The following RBFOX3 variants were observed in gnomAD, a reference collection of about 807,000 sequenced individuals.
RBFOX3 encodes the protein RNA binding protein fox-1 homolog 3.
In RBFOX3, 17 loss-of-function variants were observed where a neutral mutation model predicts 48.7. The observed-to-expected ratio is 0.35, with a 90% confidence interval of 0.24 to 0.52. RBFOX3 has a LOEUF of 0.52. Ranked by LOEUF, RBFOX3 falls within the 20% of genes least tolerant of loss-of-function variation. The probability of loss-of-function intolerance (pLI) is 0.94; values close to 1 mark genes in which losing one functional copy is unlikely to be tolerated. For synonymous variants in RBFOX3, 212 were observed against 209.5 expected (o/e 1.01, Z -0.10); for missense variants, 382 against 497.5 (o/e 0.77, Z 2.21).
chr17:79,605,412 G>A (rs896430941), intron 1 of RBFOX3, among the ~76,000 whole-genome samples: 58 of 152,186 alleles, frequency 3.8e-4, no homozygotes, highest in African/African-American at 1.3e-3. Context: ...AGACATACCC[G>A]GCCACCTTCC....
intron 4 of RBFOX3, among the ~76,000 whole-genome samples, chr17:79,173,386 T>C (rs1235477821): frequency 6.6e-6 from 1 of 152,210 alleles, no homozygotes; most frequent in African/African-American, 2.4e-5. Flanking sequence ...AGACAGCTCA[T>C]GCTAAAGGCA....
the RBFOX3 span, among the ~76,000 whole-genome samples, chr17:79,623,838 A>G: frequency 1.3e-5 from 2 of 151,572 alleles, no homozygotes; most frequent in Admixed American, 6.6e-5. Flanking sequence ...AAAAAAAAAA[A>G]AAAAGTGGAG....
At chr17:79,656,189 G>A in the RBFOX3 span, among the ~76,000 whole-genome samples, 148,934 of 152,318 alleles carry the variant, frequency 0.98, 72,907 homozygotes, top group East Asian at 1. Flanking sequence ...TTGCTGTCAA[G>A]GGTCAGGAGG....
chr17:79,400,861 T>C (rs2062711614), intron 2 of RBFOX3, among the ~76,000 whole-genome samples: 1 of 152,064 alleles, frequency 6.6e-6, no homozygotes, highest in East Asian at 1.9e-4. Context: ...CCCCACACTC[T>C]CCTAAGCTGG....
intron 4 of RBFOX3, among the ~76,000 whole-genome samples, chr17:79,231,131 A>G: frequency 6.6e-6 from 1 of 152,208 alleles, no homozygotes; most frequent in Non-Finnish European, 1.5e-5. Flanking sequence ...TTGAGGAGAC[A>G]GAGCTGAGAG....
chr17:79,191,444 G>A (rs528824403), intron 4 of RBFOX3, among the ~76,000 whole-genome samples: 3 of 152,222 alleles, frequency 2.0e-5, no homozygotes, highest in Admixed American at 6.5e-5. Context: ...CACTCTGTTC[G>A]TCCCCTGCCC....
intron 4 of RBFOX3, among the ~76,000 whole-genome samples, chr17:79,182,855 T>C (rs2052412410): frequency 6.7e-6 from 1 of 150,176 alleles, no homozygotes; most frequent in Non-Finnish European, 1.5e-5. Flanking sequence ...CCCCCGGCTT[T>C]CCCGACGCTG....
intron 2 of RBFOX3, among the ~76,000 whole-genome samples, chr17:79,372,032 G>A (rs189360578): frequency 2.0e-5 from 3 of 152,258 alleles, no homozygotes; most frequent in East Asian, 1.9e-4. Context: ...GCAGGTTCGA[G>A]GAGACCCTCC....
At chr17:79,359,403 C>T (rs1222270697) in intron 2 of RBFOX3, among the ~76,000 whole-genome samples, 1 of 152,214 alleles carries the variant, frequency 6.6e-6, no homozygotes, top group African/African-American at 2.4e-5. Context: ...TCAGATTTAA[C>T]TGAGCAGCCT....
intron 1 of RBFOX3, among the ~76,000 whole-genome samples, chr17:79,596,996 G>A (rs1015205022): frequency 0.014 from 2,069 of 152,222 alleles, 50 homozygotes; most frequent in African/African-American, 0.047. Flanking sequence ...AACGAGCCAC[G>A]CCCCTCCTAG....
chr17:79,310,289 C>T (rs1447992624), intron 2 of RBFOX3, among the ~76,000 whole-genome samples: 1 of 152,148 alleles, frequency 6.6e-6, no homozygotes, highest in Non-Finnish European at 1.5e-5. Context: ...GTCCAGATTC[C>T]TGAGCCTGGG....
chr17:79,268,734 T>C (rs1368261472), intron 3 of RBFOX3, among the ~76,000 whole-genome samples: 2 of 152,060 alleles, frequency 1.3e-5, no homozygotes, highest in Non-Finnish European at 2.9e-5. Flanking sequence ...ACACCTTCAC[T>C]CCGCTCCCCA....
intron 9 of RBFOX3, among the ~76,000 whole-genome samples, chr17:79,101,155 C>T (rs1599419207): frequency 6.6e-6 from 1 of 152,162 alleles, no homozygotes; most frequent in Non-Finnish European, 1.5e-5. Context: ...TCCAAGGCCC[C>T]CCGTGCCCTC....
intron 1 of RBFOX3, among the ~76,000 whole-genome samples, chr17:79,515,545 G>A (rs1568369892): frequency 1.3e-5 from 2 of 152,222 alleles, no homozygotes; most frequent in African/African-American, 4.8e-5. Context: ...AATGCTGGCC[G>A]CTGGCAGCAC....
At chr17:79,112,064 C>G (rs1398888999) in intron 5 of RBFOX3, among the ~76,000 whole-genome samples, 2 of 152,240 alleles carry the variant, frequency 1.3e-5, no homozygotes, top group Non-Finnish European at 2.9e-5. Context: ...AGAGACGCCC[C>G]TGCCCCACCA....
At chr17:79,269,726 T>G (rs1350537050) in intron 3 of RBFOX3, among the ~76,000 whole-genome samples, 1 of 151,176 alleles carries the variant, frequency 6.6e-6, no homozygotes, top group East Asian at 1.9e-4. Flanking sequence ...CTCCCTTGTC[T>G]GTCACTGTCC....
intron 2 of RBFOX3, among the ~76,000 whole-genome samples, chr17:79,325,637 TAATC>T (rs2079182892): frequency 6.6e-6 from 1 of 151,956 alleles, no homozygotes; most frequent in African/African-American, 2.4e-5. Flanking sequence ...CCTGAAAAAA[TAATC>T]AATCAATAAA....
At chr17:79,191,651 T>C (rs1344252538) in intron 4 of RBFOX3, among the ~76,000 whole-genome samples, 1 of 151,038 alleles carries the variant, frequency 6.6e-6, no homozygotes, top group Non-Finnish European at 1.5e-5. Context: ...CGGCGGGAGG[T>C]AGGGGTGCAA....
intron 14 of RBFOX3, chr17:79,092,441 A>G: frequency 1.0e-6 from 1 of 985,788 alleles, no homozygotes. Flanking sequence ...CTGGAGAGAA[A>G]TAATCTATAG....
Sources: gnomAD v4.1 joint callset for allele counts (sites outside exome capture counted in the v4.1 genomes callset) on GRCh38, gnomAD v4.1.1 for gene constraint, MANE v1.5 for transcripts, NCBI Gene and HGNC (gene_info 2026-07-23, HGNC 2026-07-21) for gene names.